RBFOX1: variants seen among roughly 807,000 people sequenced by gnomAD.
RBFOX1 encodes the protein RNA binding protein fox-1 homolog 1.
RBFOX1 carries 8 observed loss-of-function variants against 57.7 expected under a neutral mutation model. The ratio of observed to expected loss-of-function variants is 0.14; its 90% CI spans 0.08 to 0.25. RBFOX1 has a LOEUF of 0.25. RBFOX1 is among the 10% of genes least tolerant of loss of function. The probability of loss-of-function intolerance (pLI) is 1.00; values close to 1 mark genes in which losing one functional copy is unlikely to be tolerated. For synonymous variants in RBFOX1, 326 were observed against 222.4 expected (o/e 1.47, Z -4.15); for missense variants, 611 against 548.5 (o/e 1.11, Z -1.14).
chr16:6,619,134 G>A (rs920402496), intron 2 of RBFOX1, among the ~76,000 whole-genome samples: 3 of 151,436 alleles, frequency 2.0e-5, no homozygotes, highest in Non-Finnish European at 2.9e-5. Flanking sequence ...ATGGTACTTC[G>A]CTACAGACCG....
At chr16:6,895,408 TTAG>T (rs2066520904) in intron 3 of RBFOX1, among the ~76,000 whole-genome samples, 1 of 137,178 alleles carries the variant, frequency 7.3e-6, no homozygotes, top group African/African-American at 2.8e-5. Flanking sequence ...CCACTAGTTG[TTAG>T]TAATATATGT....
chr16:6,548,625 G>C (rs72762903), intron 2 of RBFOX1, among the ~76,000 whole-genome samples: 7 of 152,070 alleles, frequency 4.6e-5, no homozygotes, highest in Admixed American at 4.6e-4. Context: ...AAGGAAAAAA[G>C]AATTAAATTA....
At chr16:5,299,969 C>T (rs777554868) in intron 1 of RBFOX1, among the ~76,000 whole-genome samples, 1 of 150,222 alleles carries the variant, frequency 6.7e-6, no homozygotes, top group Non-Finnish European at 1.5e-5. Context: ...TCCTTTTATT[C>T]CTAGTTTCCT....
intron 3 of RBFOX1, among the ~76,000 whole-genome samples, chr16:6,778,171 A>G (rs1040352882): frequency 7.9e-5 from 12 of 152,152 alleles, no homozygotes; most frequent in African/African-American, 2.9e-4. Context: ...AATTTCAAAG[A>G]TCACACAATC....
intron 3 of RBFOX1, among the ~76,000 whole-genome samples, chr16:6,655,853 G>T (rs1191212468): frequency 6.6e-6 from 1 of 152,104 alleles, no homozygotes; most frequent in Non-Finnish European, 1.5e-5. Flanking sequence ...ATCATGACTG[G>T]GGCATGTCTG....
At chr16:5,264,851 G>A (rs1462084202) in intron 1 of RBFOX1, among the ~76,000 whole-genome samples, 2 of 152,070 alleles carry the variant, frequency 1.3e-5, no homozygotes, top group Admixed American at 6.6e-5. Context: ...TAGTCTTAGG[G>A]CAAGTTTGAT....
At chr16:7,447,697 C>G (rs183650280) in intron 4 of RBFOX1, among the ~76,000 whole-genome samples, 102 of 151,710 alleles carry the variant, frequency 6.7e-4, no homozygotes, top group African/African-American at 2.4e-3. Context: ...CTCTGTTGGC[C>G]TAGTCTCTCA....
chr16:6,827,955 G>C (rs1020606594), intron 3 of RBFOX1, among the ~76,000 whole-genome samples: 4 of 152,162 alleles, frequency 2.6e-5, no homozygotes, highest in African/African-American at 4.8e-5. Flanking sequence ...GTTTCCACTA[G>C]ACTCTATGCT....
chr16:7,693,975 A>G (rs1379345012), intron 14 of RBFOX1, among the ~76,000 whole-genome samples: 2 of 152,218 alleles, frequency 1.3e-5, no homozygotes. Context: ...GACATTGGCA[A>G]ATGGAAATTG....
intron 3 of RBFOX1, among the ~76,000 whole-genome samples, chr16:5,644,597 G>C (rs2048987555): frequency 6.6e-6 from 1 of 152,166 alleles, no homozygotes; most frequent in South Asian, 2.1e-4. Context: ...AGCGTGTCAG[G>C]CTGGGAGACA....
chr16:6,452,850 T>A (rs2153048863), intron 2 of RBFOX1, among the ~76,000 whole-genome samples: 1 of 152,236 alleles, frequency 6.6e-6, no homozygotes, highest in African/African-American at 2.4e-5. Flanking sequence ...ATGCCTACCC[T>A]AGGGGGGTCC....
At chr16:5,313,014 A>G (rs1279794239) in intron 1 of RBFOX1, among the ~76,000 whole-genome samples, 2 of 152,070 alleles carry the variant, frequency 1.3e-5, no homozygotes, top group Non-Finnish European at 2.9e-5. Flanking sequence ...ACCACTGAGA[A>G]TGGCAGGCTC....
At position 6,825,634 on chromosome 16, in the gene RBFOX1, A is replaced by G. The variant is rs142489079; in HGVS notation, c.-16+170984A>G. 2.7e-3 allele frequency among the ~76,000 whole-genome samples: 416 copies of G among 152,162 alleles called. 16 individuals carry two copies. The East Asian group carries it at 0.069, about 25-fold the overall frequency. On this transcript the variant is annotated intron_variant, in intron 3 of 15. Transcript: ENST00000550418. ...CAACATCCTCTCCCTGGGAGTGGGT[A>G]TTTATTCACCGCTTCACTGCAGAAA...
At chr16:5,989,515 G>A (rs2152317749) in intron 4 of RBFOX1, among the ~76,000 whole-genome samples, 1 of 152,230 alleles carries the variant, frequency 6.6e-6, no homozygotes, top group South Asian at 2.1e-4. Context: ...TGCTACAAGA[G>A]ATAGGATTTA....
At chr16:6,566,207 A>G (rs2097263737) in intron 2 of RBFOX1, among the ~76,000 whole-genome samples, 1 of 152,228 alleles carries the variant, frequency 6.6e-6, no homozygotes, top group South Asian at 2.1e-4. Context: ...TTGAAGGAGA[A>G]ACATAATTTT....
intron 3 of RBFOX1, among the ~76,000 whole-genome samples, chr16:5,781,582 G>A (rs988545449): frequency 1.3e-5 from 2 of 152,308 alleles, no homozygotes; most frequent in South Asian, 2.1e-4. Flanking sequence ...TTGGCCATAC[G>A]GACTCCGCCG....
At chr16:5,285,372 T>C (rs1323033171) in intron 1 of RBFOX1, among the ~76,000 whole-genome samples, 1 of 152,150 alleles carries the variant, frequency 6.6e-6, no homozygotes, top group African/African-American at 2.4e-5. Flanking sequence ...CTGATTTTTT[T>C]GTATTCATTA....
chr16:5,870,609 G>A (rs1597578626), intron 4 of RBFOX1, among the ~76,000 whole-genome samples: 1 of 150,626 alleles, frequency 6.6e-6, no homozygotes, highest in Admixed American at 6.7e-5. Context: ...AGATGGAACA[G>A]TTTTTTTTAG....
At chr16:5,299,184 A>G (rs182959391) in intron 1 of RBFOX1, among the ~76,000 whole-genome samples, 31 of 151,496 alleles carry the variant, frequency 2.0e-4, no homozygotes, top group African/African-American at 7.0e-4. Flanking sequence ...ATCATATGCT[A>G]TGCACTCCTT....
Sources: gnomAD v4.1 joint callset for allele counts (sites outside exome capture counted in the v4.1 genomes callset) on GRCh38, gnomAD v4.1.1 for gene constraint, MANE v1.5 for transcripts, NCBI Gene and HGNC (gene_info 2026-07-23, HGNC 2026-07-21) for gene names.